DCAF1: variants seen among roughly 807,000 people sequenced by gnomAD.
DCAF1 encodes DDB1 and CUL4 associated factor 1, also known as DDB1- and CUL4-associated factor 1.
Under a neutral mutation model 128.0 loss-of-function variants are expected in DCAF1, and 15 were observed. The ratio of observed to expected loss-of-function variants is 0.12; its 90% CI spans 0.08 to 0.18. The LOEUF is 0.18. Ranked by LOEUF, DCAF1 falls within the 10% of genes least tolerant of loss-of-function variation. The probability of loss-of-function intolerance (pLI) is 1.00; values close to 1 mark genes in which losing one functional copy is unlikely to be tolerated. For missense variants in DCAF1, 988 were observed against 1,649.5 expected, an observed-to-expected ratio of 0.60 and a Z score of 6.95; for synonymous variants, 610 against 603.0, an observed-to-expected ratio of 1.01 and a Z score of -0.17.
intron 13 of DCAF1, among the ~76,000 whole-genome samples, chr3:51,424,411 A>G (rs536165861): frequency 1.3e-5 from 2 of 152,180 alleles, no homozygotes; most frequent in African/African-American, 4.8e-5. Flanking sequence ...TCAAAAAAAA[A>G]AAAGAAAAAA....
At chr3:51,469,588 A>G (rs532714652) in intron 4 of DCAF1, among the ~76,000 whole-genome samples, 1 of 152,058 alleles carries the variant, frequency 6.6e-6, no homozygotes, top group African/African-American at 2.4e-5. Flanking sequence ...TATATGTACT[A>G]TGGGCCCATG....
At chr3:51,489,058 T>C (rs189014238) in intron 2 of DCAF1, among the ~76,000 whole-genome samples, 26 of 152,322 alleles carry the variant, frequency 1.7e-4, no homozygotes, top group African/African-American at 4.6e-4. Context: ...CTACACTCCA[T>C]GGTGAAAGAC....
chr3:51,447,710 G>A (rs1474065967), intron 6 of DCAF1, among the ~76,000 whole-genome samples: 2 of 152,170 alleles, frequency 1.3e-5, no homozygotes, highest in Admixed American at 1.3e-4. Flanking sequence ...CACTTCGGGA[G>A]GCCGAGGCGG....
intron 2 of DCAF1, among the ~76,000 whole-genome samples, chr3:51,489,385 A>G (rs1312095904): frequency 6.6e-6 from 1 of 152,186 alleles, no homozygotes; most frequent in Non-Finnish European, 1.5e-5. Flanking sequence ...ATGAGCCACA[A>G]GATTGTGCCA....
At chr3:51,404,483 A>T (rs2089968825) in intron 23 of DCAF1, among the ~76,000 whole-genome samples, 1 of 152,208 alleles carries the variant, frequency 6.6e-6, no homozygotes, top group Non-Finnish European at 1.5e-5. Flanking sequence ...CCAAGCACTT[A>T]AAAAACAAGC....
In DCAF1 at chr3:51,496,770, A is replaced by C. The variant is rs1224067840; in HGVS notation, c.-45T>G. 2.6e-5 allele frequency among the ~76,000 whole-genome samples: 4 copies of C among 151,978 alleles called. 1 individual carries two copies. Among genetic ancestry groups the C allele is most frequent in the African/African-American group, 9.7e-5 (4 of 41,376 alleles). On this transcript the variant is annotated 5_prime_UTR_variant, in exon 2 of 25. In the 5' UTR this introduces an upstream ATG that the reference lacks. Coordinates refer to ENST00000684031, the MANE Select transcript of DCAF1 (RefSeq NM_001387579.1). The stretch of plus-strand genomic sequence containing the variant: ...TGGTTATTTAACTTCTCCAAATCTC[A>C]ATTTCCTTATCTGCAAGATGGAAAC...
chr3:51,488,775 C>T (rs1156535100), intron 2 of DCAF1, among the ~76,000 whole-genome samples: 1 of 151,876 alleles, frequency 6.6e-6, no homozygotes, highest in Non-Finnish European at 1.5e-5. Flanking sequence ...TGCACTCCAG[C>T]CTAGGTGACA....
chr3:51,498,044 T>C, intron 1 of DCAF1, among the ~76,000 whole-genome samples: 1 of 82,440 alleles, frequency 1.2e-5, no homozygotes, highest in African/African-American at 5.3e-5. Flanking sequence ...AGTGAGACTC[T>C]GTCTCAAAAA....
chr3:51,431,626 T>C (rs1700390283), intron 10 of DCAF1, among the ~76,000 whole-genome samples: 2 of 152,100 alleles, frequency 1.3e-5, no homozygotes, highest in South Asian at 4.1e-4. Flanking sequence ...GGGATGGTTT[T>C]ATTATCTCCA....
chr3:51,423,884 G>C lies in DCAF1; in HGVS notation c.1848-1453C>G, dbSNP rs1351200331. Among the ~76,000 whole-genome samples, 3 of 150,958 alleles carry C rather than the reference G, an allele frequency of 2.0e-5. No individual in the cohort carries two copies. The East Asian group carries it at 5.8e-4, about 29-fold the overall frequency. On this transcript the variant is annotated intron_variant, in intron 13 of 24. Transcript: ENST00000684031. The stretch of plus-strand genomic sequence containing the variant: ...AATTTATGTATTAAGATGTTCATTA[G>C]CCACATTAAAATAGCAAAAGAATGA...
chr3:51,418,308 G>A (rs946280889), intron 16 of DCAF1, 110 bp from the exon 17 acceptor site: 91 of 1,493,744 alleles, frequency 6.1e-5, no homozygotes, highest in Non-Finnish European at 7.9e-5. Context: ...TTGAATTAAA[G>A]AGACAATTTT....
intron 3 of DCAF1, among the ~76,000 whole-genome samples, chr3:51,478,058 T>C (rs1454542042): frequency 2.0e-5 from 3 of 152,014 alleles, no homozygotes; most frequent in Admixed American, 6.6e-5. Context: ...GGCTGGAGTG[T>C]AGTGGCACAA....
chr3:51,447,507 G>A (rs1301076770), intron 6 of DCAF1, among the ~76,000 whole-genome samples: 1 of 152,020 alleles, frequency 6.6e-6, no homozygotes, highest in Admixed American at 6.6e-5. Context: ...TATTTACCAC[G>A]TATTTTCAGC....
chr3:51,504,198 G>A (rs1241094895), upstream of DCAF1, among the ~76,000 whole-genome samples: 1 of 151,898 alleles, frequency 6.6e-6, no homozygotes, highest in African/African-American at 2.4e-5. Flanking sequence ...CACCACGCCT[G>A]GCTAATTTTT....
chr3:51,425,421 A>C (rs1699812962), intron 13 of DCAF1, among the ~76,000 whole-genome samples: 1 of 151,994 alleles, frequency 6.6e-6, no homozygotes, highest in African/African-American at 2.4e-5. Flanking sequence ...GGAGTGAGCC[A>C]AGATCCTGCC....
At chr3:51,456,274 C>T (rs1224844273) in intron 6 of DCAF1, among the ~76,000 whole-genome samples, 4 of 152,212 alleles carry the variant, frequency 2.6e-5, no homozygotes, top group African/African-American at 7.2e-5. Flanking sequence ...GCACCTGGCT[C>T]GGAGGGTCCT....
At chr3:51,438,736 C>T (rs979924567) in intron 9 of DCAF1, among the ~76,000 whole-genome samples, 8 of 151,864 alleles carry the variant, frequency 5.3e-5, no homozygotes, top group Admixed American at 1.3e-4. Flanking sequence ...CTCAGCCTCC[C>T]GAGTAGCTGG....
chr3:51,406,137 A>T (rs1205754419), intron 23 of DCAF1, among the ~76,000 whole-genome samples: 1 of 151,982 alleles, frequency 6.6e-6, no homozygotes, highest in African/African-American at 2.4e-5. Context: ...AGGTAAGGAG[A>T]TCAAGACCAT....
chr3:51,446,308 A>G (rs1701847802), intron 6 of DCAF1, among the ~76,000 whole-genome samples: 1 of 152,006 alleles, frequency 6.6e-6, no homozygotes, highest in Non-Finnish European at 1.5e-5. Context: ...CCAAGTTCTT[A>G]ATTTTCTTAT....
Sources: gnomAD v4.1 joint callset for allele counts (sites outside exome capture counted in the v4.1 genomes callset) on GRCh38, gnomAD v4.1.1 for gene constraint, MANE v1.5 for transcripts, NCBI Gene and HGNC (gene_info 2026-07-23, HGNC 2026-07-21) for gene names.